Variants in KCNIP1 observed in about 807,000 individuals in gnomAD.
The protein encoded by KCNIP1 is A-type potassium channel modulatory protein KCNIP1.
A neutral mutation model predicts 33.0 loss-of-function variants in KCNIP1; 18 were observed. The ratio of observed to expected loss-of-function variants is 0.55; its 90% CI spans 0.38 to 0.81. KCNIP1 has a LOEUF of 0.81. Among genes scored for constraint, KCNIP1 ranks in the 30% least tolerant of loss-of-function variants. KCNIP1 has a pLI of 0.00. For missense variants in KCNIP1, 238 were observed against 271.6 expected, an observed-to-expected ratio of 0.88 and a Z score of 0.87; for synonymous variants, 93 against 98.3, an observed-to-expected ratio of 0.95 and a Z score of 0.32.
intron 1 of KCNIP1, among the ~76,000 whole-genome samples, chr5:170,637,651 G>A (rs1209365152): frequency 1.3e-5 from 2 of 152,168 alleles, no homozygotes; most frequent in African/African-American, 2.4e-5. Flanking sequence ...AGACACCCAC[G>A]AGGCTCATTT....
intron 1 of KCNIP1, among the ~76,000 whole-genome samples, chr5:170,629,328 A>T: frequency 6.6e-6 from 1 of 152,140 alleles, no homozygotes; most frequent in East Asian, 1.9e-4. Flanking sequence ...TCAAGGTTAG[A>T]AGGAAAGAGT....
intron 1 of KCNIP1, among the ~76,000 whole-genome samples, chr5:170,597,829 A>ATG (rs1758516092): frequency 1.4e-5 from 2 of 147,392 alleles, no homozygotes; most frequent in Admixed American, 1.3e-4. Context: ...ATATATATAT[A>ATG]TGAAAGAAAG....
intron 1 of KCNIP1, among the ~76,000 whole-genome samples, chr5:170,609,189 C>T (rs780951734): frequency 6.6e-5 from 10 of 152,150 alleles, no homozygotes; most frequent in East Asian, 1.9e-4. Context: ...AATGAGAAGG[C>T]GCTTCCTCTC....
rs185819440 is a variant in KCNIP1, at chr5:170,665,615, C to T, written c.62-53143C>T. On this transcript the variant is annotated intron_variant, in intron 1 of 7. Transcript: ENST00000328939. ...TGTCACCACTAATGGACAAATGTTG[C>T]AATATTATTATTTGCTCAAGTCCAT... Among the ~76,000 whole-genome samples the T allele has an allele frequency of 1.5e-3, 222 of 152,262 alleles. 1 individual carries two copies. Among genetic ancestry groups the T allele is most frequent in the African/African-American group, 4.8e-3 (199 of 41,544 alleles).
chr5:170,717,142 A>G (rs1222529447), intron 1 of KCNIP1, among the ~76,000 whole-genome samples: 1 of 152,208 alleles, frequency 6.6e-6, no homozygotes, highest in East Asian at 1.9e-4. Context: ...ATCTAATGCT[A>G]GGAGATTCAA....
At chr5:170,450,591 C>A (rs1756224935) in intron 1 of KCNIP1, among the ~76,000 whole-genome samples, 1 of 152,178 alleles carries the variant, frequency 6.6e-6, no homozygotes, top group African/African-American at 2.4e-5. Flanking sequence ...CTAGCTCCTG[C>A]CTGCTATCCA....
intron 1 of KCNIP1, among the ~76,000 whole-genome samples, chr5:170,560,148 T>G (rs1437818854): frequency 1.3e-5 from 2 of 152,102 alleles, no homozygotes; most frequent in Admixed American, 1.3e-4. Flanking sequence ...TTCTGGGCAG[T>G]GTGGGGCAGG....
intron 1 of KCNIP1, among the ~76,000 whole-genome samples, chr5:170,389,862 C>T (rs1301072066): frequency 6.6e-6 from 1 of 152,130 alleles, no homozygotes; most frequent in African/African-American, 2.4e-5. Flanking sequence ...GGTTTTACTC[C>T]CAAACTTATC....
In KCNIP1 at chr5:170,661,698, A is replaced by C. The variant is rs531726798; in HGVS notation, c.62-57060A>C. Among the ~76,000 whole-genome samples, 4 of 152,314 alleles carry C rather than the reference A, an allele frequency of 2.6e-5. No individual in the cohort carries two copies. In the South Asian group the frequency reaches 8.3e-4, roughly 32 times the overall value. ...CCCAGCCCCATATTATACCCTTTTC[A>C]TCGCTGCAATTCAACATAAAATCAT... On this transcript the variant is annotated intron_variant, in intron 1 of 7. Transcript: ENST00000328939.
At chr5:170,450,731 T>C (rs1389059298) in intron 1 of KCNIP1, among the ~76,000 whole-genome samples, 3 of 152,214 alleles carry the variant, frequency 2.0e-5, no homozygotes, top group Non-Finnish European at 4.4e-5. Context: ...TCTCTTTCTC[T>C]GGCCAACTTC....
chr5:170,400,119 C>T (rs1416772516), intron 1 of KCNIP1, among the ~76,000 whole-genome samples: 1 of 152,184 alleles, frequency 6.6e-6, no homozygotes, highest in African/African-American at 2.4e-5. Context: ...TCGTGAGTGC[C>T]AGAACCCAGC....
chr5:170,643,773 G>A (rs1760674268), intron 1 of KCNIP1, among the ~76,000 whole-genome samples: 1 of 152,234 alleles, frequency 6.6e-6, no homozygotes, highest in Admixed American at 6.5e-5. Flanking sequence ...GGATCTGCAG[G>A]CAGCCATCAG....
chr5:170,724,754 A>G (rs955093932), intron 5 of KCNIP1, among the ~76,000 whole-genome samples: 1 of 152,228 alleles, frequency 6.6e-6, no homozygotes, highest in African/African-American at 2.4e-5. Flanking sequence ...CTTTGAGAAA[A>G]ATTCAACAAA....
At chr5:170,462,445 G>T (rs1331066690) in intron 1 of KCNIP1, among the ~76,000 whole-genome samples, 2 of 152,094 alleles carry the variant, frequency 1.3e-5, no homozygotes, top group Non-Finnish European at 2.9e-5. Flanking sequence ...CCTCACTCTT[G>T]CAAGGATGGC....
intron 1 of KCNIP1, among the ~76,000 whole-genome samples, chr5:170,616,730 A>T (rs542823365): frequency 8.5e-5 from 13 of 152,276 alleles, no homozygotes; most frequent in African/African-American, 3.1e-4. Context: ...GCCACACTGC[A>T]CCTTCATCCA....
At chr5:170,638,317 A>G (rs1231586156) in intron 1 of KCNIP1, among the ~76,000 whole-genome samples, 1 of 152,084 alleles carries the variant, frequency 6.6e-6, no homozygotes, top group East Asian at 1.9e-4. Context: ...GCCCCCTGCC[A>G]GGCACGTGCT....
intron 1 of KCNIP1, among the ~76,000 whole-genome samples, chr5:170,370,702 A>T (rs1324486078): frequency 6.6e-6 from 1 of 152,186 alleles, no homozygotes; most frequent in Non-Finnish European, 1.5e-5. Flanking sequence ...TCAAGGAGGG[A>T]GACCTGAGAC....
At chr5:170,533,212 T>G (rs1581283175) in intron 1 of KCNIP1, among the ~76,000 whole-genome samples, 1 of 151,210 alleles carries the variant, frequency 6.6e-6, no homozygotes, top group Admixed American at 6.6e-5. Flanking sequence ...TGTTGAGGGG[T>G]GGATAATAAG....
intron 1 of KCNIP1, among the ~76,000 whole-genome samples, chr5:170,599,343 A>G (rs6878621): frequency 0.28 from 41,918 of 151,972 alleles, 6,297 homozygotes; most frequent in East Asian, 0.47. Context: ...TCATCCAGAC[A>G]CAGGTAAGAA....
Sources: gnomAD v4.1 joint callset for allele counts (sites outside exome capture counted in the v4.1 genomes callset) on GRCh38, gnomAD v4.1.1 for gene constraint, MANE v1.5 for transcripts, NCBI Gene and HGNC (gene_info 2026-07-23, HGNC 2026-07-21) for gene names.